Variants in ZNF148 observed in about 807,000 individuals in gnomAD.
The protein encoded by ZNF148 is Beta-Enolase Repressor Factor-1.
Under a neutral mutation model 67.7 loss-of-function variants are expected in ZNF148, and 7 were observed. The ratio of observed to expected loss-of-function variants is 0.10; its 90% CI spans 0.06 to 0.19. ZNF148 has a LOEUF of 0.19. Ranked by LOEUF, ZNF148 falls within the 10% of genes least tolerant of loss-of-function variation. The pLI, the probability that ZNF148 is intolerant of heterozygous loss-of-function variation, is 1.00. For synonymous variants in ZNF148, 333 were observed against 330.7 expected, an observed-to-expected ratio of 1.01 and a Z score of -0.08; for missense variants, 583 against 947.1, an observed-to-expected ratio of 0.62 and a Z score of 5.05.
At chr3:125,236,433 A>G (rs1028327122) in intron 7 of ZNF148, among the ~76,000 whole-genome samples, 1 of 152,170 alleles carries the variant, frequency 6.6e-6, no homozygotes, top group African/African-American at 2.4e-5. Context: ...ATTAAGGGGA[A>G]AATGTTACTA....
chr3:125,238,480 T>C (rs1486630085), intron 7 of ZNF148, among the ~76,000 whole-genome samples: 1 of 151,710 alleles, frequency 6.6e-6, no homozygotes. Flanking sequence ...ATACAAAAAT[T>C]AGCCAGGCAT....
rs1345030365 is a variant in ZNF148, at chr3:125,249,632, A to C, written c.668-15303T>G. Reference sequence around the variant, plus strand: ...GGAGGTTCCTAAAAAAACAAAAAAAAACTAAAAATAGAACTACCATATGAT... The same window carrying C: ...GGAGGTTCCTAAAAAAACAAAAAAACACTAAAAATAGAACTACCATATGAT... On this transcript the variant is annotated intron_variant, in intron 7 of 8. Coordinates refer to ENST00000360647, the MANE Select transcript of ZNF148 (RefSeq NM_021964.3). Among the ~76,000 whole-genome samples the C allele has an allele frequency of 2.6e-5, 4 of 152,302 alleles. No homozygotes were observed. In the East Asian group the frequency reaches 7.7e-4, roughly 29 times the overall value.
rs762049408 is a variant in ZNF148 at position 125,234,319 on chromosome 3, T to C, written c.678A>G (p.Pro226=). 8.7e-6 allele frequency: 14 copies of C among 1,605,188 alleles called. No individual in the cohort carries two copies. In the East Asian group the frequency reaches 1.8e-4, roughly 21 times the overall value. ...RHEKIHTGEK[P]FRCDECGMRF... ...TCATACCACATTCATCACAGCGAAA[T>C]GGTTTTTCACCTAGCACATAATATA... The change falls in exon 8 of 9, where the codon CCA becomes CCG. Residue 226 remains proline (P), a synonymous_variant. Transcript: ENST00000360647.
intron 7 of ZNF148, among the ~76,000 whole-genome samples, chr3:125,274,738 C>T (rs1937954174): frequency 6.6e-6 from 1 of 151,888 alleles, no homozygotes; most frequent in Non-Finnish European, 1.5e-5. Flanking sequence ...TATAATGAGA[C>T]CTAAAGGGAG....
At chr3:125,344,433 TC>T (rs1306770232) in intron 1 of ZNF148, 14 of 821,484 alleles carry the variant, frequency 1.7e-5, no homozygotes, top group Non-Finnish European at 2.5e-5. Context: ...CAAAAAAAAG[TC>T]CTCAAAAGGG....
chr3:125,327,545 A>C (rs1941085070), intron 2 of ZNF148, among the ~76,000 whole-genome samples: 1 of 152,204 alleles, frequency 6.6e-6, no homozygotes, highest in African/African-American at 2.4e-5. Flanking sequence ...TCTGAGCCGC[A>C]CAACGTGGCC....
At chr3:125,353,718 GT>G (rs1164938156) in intron 1 of ZNF148, among the ~76,000 whole-genome samples, 16 of 151,830 alleles carry the variant, frequency 1.1e-4, no homozygotes, top group Admixed American at 3.3e-4. Flanking sequence ...GTCTCCCATA[GT>G]GTAGGGATTA....
At chr3:125,265,257 G>A (rs1392528102) in intron 7 of ZNF148, among the ~76,000 whole-genome samples, 1 of 152,202 alleles carries the variant, frequency 6.6e-6, no homozygotes, top group Non-Finnish European at 1.5e-5. Context: ...GATGATTAAA[G>A]CATAGCATCA....
chr3:125,308,964 C>T (rs188506980), intron 4 of ZNF148, among the ~76,000 whole-genome samples: 3 of 152,136 alleles, frequency 2.0e-5, no homozygotes, highest in Non-Finnish European at 2.9e-5. Context: ...GGATGAATCC[C>T]AAAACATGTT....
intron 6 of ZNF148, among the ~76,000 whole-genome samples, chr3:125,278,705 G>T (rs1320395652): frequency 6.6e-6 from 1 of 151,850 alleles, no homozygotes. Flanking sequence ...TTTACCCAAA[G>T]GTCTGTCATC....
chr3:125,322,732 T>C (rs150239798), intron 3 of ZNF148, among the ~76,000 whole-genome samples: 10 of 152,268 alleles, frequency 6.6e-5, no homozygotes, highest in Non-Finnish European at 1.3e-4. Flanking sequence ...AATATAAATA[T>C]ATTTCTACCT....
chr3:125,296,617 T>C (rs1015703871), intron 4 of ZNF148, among the ~76,000 whole-genome samples: 49 of 152,254 alleles, frequency 3.2e-4, no homozygotes, highest in African/African-American at 1.1e-3. Context: ...ATTTGGCCAA[T>C]ATACAATAAA....
At chr3:125,374,638 C>T (rs529484547) in intron 1 of ZNF148, among the ~76,000 whole-genome samples, 20 of 152,176 alleles carry the variant, frequency 1.3e-4, no homozygotes, top group African/African-American at 4.3e-4. Context: ...TTCTCCAACC[C>T]CTGCCCTTCC....
At chr3:125,306,727 A>C (rs1421165986) in intron 4 of ZNF148, among the ~76,000 whole-genome samples, 1 of 152,086 alleles carries the variant, frequency 6.6e-6, no homozygotes, top group Non-Finnish European at 1.5e-5. Flanking sequence ...TGATGTGATG[A>C]CATGTGTGTA....
chr3:125,317,020 A>C (rs1479579567), intron 3 of ZNF148, among the ~76,000 whole-genome samples: 1 of 152,214 alleles, frequency 6.6e-6, no homozygotes, highest in Non-Finnish European at 1.5e-5. Context: ...GAAGTAGTAA[A>C]GTGAAGACAA....
At chr3:125,342,778 T>C (rs1941784672) in intron 1 of ZNF148, among the ~76,000 whole-genome samples, 1 of 152,192 alleles carries the variant, frequency 6.6e-6, no homozygotes, top group Admixed American at 6.5e-5. Context: ...TATTACATGA[T>C]GGAAACAAAA....
chr3:125,348,400 G>A (rs562362387), intron 1 of ZNF148, among the ~76,000 whole-genome samples: 5 of 151,232 alleles, frequency 3.3e-5, no homozygotes, highest in South Asian at 4.2e-4. Flanking sequence ...AGGATCACTC[G>A]GGCCCGAGAC....
intron 4 of ZNF148, among the ~76,000 whole-genome samples, chr3:125,301,446 G>A (rs1407992670): frequency 2.0e-5 from 3 of 152,240 alleles, no homozygotes; most frequent in African/African-American, 7.2e-5. Flanking sequence ...AAAATTGGCA[G>A]TTATCACACA....
intron 4 of ZNF148, among the ~76,000 whole-genome samples, chr3:125,299,003 C>T (rs1317997110): frequency 6.6e-6 from 1 of 152,134 alleles, no homozygotes; most frequent in Non-Finnish European, 1.5e-5. Flanking sequence ...AAATGTAAAA[C>T]TTCCAGAAAG....
Sources: gnomAD v4.1 joint callset for allele counts (sites outside exome capture counted in the v4.1 genomes callset) on GRCh38, gnomAD v4.1.1 for gene constraint, MANE v1.5 for transcripts, NCBI Gene and HGNC (gene_info 2026-07-23, HGNC 2026-07-21) for gene names.